The following COL9A2 variants were observed in gnomAD, a reference collection of about 807,000 sequenced individuals.
COL9A2 encodes the protein collagen alpha-2(IX) chain.
COL9A2 carries 66 observed loss-of-function variants against 111.6 expected under a neutral mutation model. The observed-to-expected ratio is 0.59, with a 90% CI of 0.48 to 0.73. COL9A2 has a LOEUF of 0.73. COL9A2 is among the 30% of genes least tolerant of loss of function. The pLI is 0.00. For missense variants in COL9A2, 881 were observed against 954.1 expected (o/e 0.92, Z 1.01); for synonymous variants, 353 against 364.1 (o/e 0.97, Z 0.35).
In COL9A2 at chr1:40,310,237, T is replaced by C. The variant is rs758948428; in HGVS notation, c.738+27A>G. 5.3e-5 allele frequency: 86 copies of C among 1,613,940 alleles called. No homozygotes were observed. Among genetic ancestry groups the C allele is most frequent in the Non-Finnish European group, 7.1e-5 (84 of 1,179,944 alleles). ...GCCAGAAGGCAGCTCCTGGAAGCTC[T>C]TGTAGAACACCCCAAGATTCACTTA... On this transcript the variant is annotated intron_variant, in intron 14 of 31. Transcript: ENST00000372748. The surrounding 1 kb of genome is among the most constrained non-coding windows in gnomAD (Gnocchi z 4.9).
chr1:40,311,175 G>T lies in COL9A2; in HGVS notation c.577-29C>A, dbSNP rs768778753. ...AAGGGAAGGAGAGAGCTCAATACGA[G>T]GTCCCCTCCTGTCACCTGCACCACC... is the stretch of plus-strand genomic sequence containing the variant. On this transcript the variant is annotated intron_variant, in intron 11 of 31. Coordinates refer to ENST00000372748, the MANE Select transcript of COL9A2 (RefSeq NM_001852.4). The surrounding 1 kb of genome is among the most constrained non-coding windows in gnomAD (Gnocchi z 5.1). 5 of 1,614,186 alleles carry T rather than the reference G, an allele frequency of 3.1e-6. No individual in the cohort carries two copies. Among genetic ancestry groups the T allele is most frequent in the Admixed American group, 1.7e-5 (1 of 60,026 alleles).
rs1221287476 is a variant in COL9A2, at chr1:40,302,790, G to A, written c.1623C>T (p.Ala541=). ...CCAGGGCTTCCCGCTTGGCACTCAC[G>A]GCGACCTCTGCCAGTTGCTCTGGAG... ...KMLQEQLAEV[A]VSAKREALGA... The change falls in exon 30 of 32, where the codon GCC becomes GCT. Residue 541 remains alanine (A), a synonymous_variant. Coordinates refer to ENST00000372748, the MANE Select transcript of COL9A2 (RefSeq NM_001852.4). This position sits in a 1 kb window ranked among gnomAD's most constrained non-coding sequence, Gnocchi z 4.5. 10 of 1,540,174 alleles carry A rather than the reference G, an allele frequency of 6.5e-6. No individual in the cohort carries two copies. The highest frequency in any genetic ancestry group is 5.5e-5 in the African/African-American group (4 of 72,226).
In COL9A2 at chr1:40,301,098, G is replaced by C; in HGVS notation, c.*84C>G. On this transcript the variant is annotated 3_prime_UTR_variant, in exon 32 of 32. Transcript: ENST00000372748. ...AGGTCCTGGGGGAGATGGTTTCCTG[G>C]ACTGGGGATGGGTGCATGTCCACCC... 1 of 1,428,900 alleles carries C rather than the reference G, an allele frequency of 7.0e-7. No individual in the cohort carries two copies. The highest frequency in any genetic ancestry group is 2.3e-5 in the East Asian group (1 of 43,044). 88.5% of individuals were successfully genotyped at this position (1,428,900 alleles called of 1,614,324 possible).
rs1644186493 is a variant in COL9A2, at chr1:40,314,615, T to C, written c.151-228A>G. On this transcript the variant is annotated intron_variant, in intron 2 of 31. Coordinates refer to ENST00000372748, the MANE Select transcript of COL9A2 (RefSeq NM_001852.4). This position sits in a 1 kb window ranked among gnomAD's most constrained non-coding sequence, Gnocchi z 4.1. ...ATAACCCTGGCCGGGCTGGAGAGGGTGACAGCAACATGCAAGAAGGTACAG... is the reference window on the plus strand; with the variant it reads ...ATAACCCTGGCCGGGCTGGAGAGGGCGACAGCAACATGCAAGAAGGTACAG... Among the ~76,000 whole-genome samples, 2 of 151,606 alleles carry C rather than the reference T, an allele frequency of 1.3e-5. No individual in the cohort carries two copies. The highest frequency in any genetic ancestry group is 6.6e-5 in the Admixed American group (1 of 15,220).
rs181214237 is a variant in COL9A2 at position 40,311,760 on chromosome 1, C to T, written c.418-45G>A. 2.5e-6 allele frequency: 4 copies of T among 1,597,110 alleles called. No individual in the cohort carries two copies. In the East Asian group the frequency reaches 6.7e-5, roughly 27 times the overall value. ...AAATCATACCCCTGACCAGCCCTTACCAGCTTACCCTAGTGCCCTCCTCCA... is the reference window on the plus strand; with the variant it reads ...AAATCATACCCCTGACCAGCCCTTATCAGCTTACCCTAGTGCCCTCCTCCA... On this transcript the variant is annotated intron_variant, in intron 8 of 31. Coordinates refer to ENST00000372748, the MANE Select transcript of COL9A2 (RefSeq NM_001852.4). This position sits in a 1 kb window ranked among gnomAD's most constrained non-coding sequence, Gnocchi z 5.1.
chr1:40,304,275 G>C, intron 24 of COL9A2, 45 bp downstream of exon 24: 1 of 1,548,580 alleles, frequency 6.5e-7, no homozygotes, highest in Non-Finnish European at 8.7e-7. Flanking sequence ...CACTCCCCCT[G>C]TTATAGGGCC....
intron 19 of COL9A2, 89 bp from the exon 20 acceptor site, chr1:40,306,276 TC>T: frequency 6.8e-7 from 1 of 1,461,076 alleles, no homozygotes; most frequent in South Asian, 1.1e-5. Context: ...AATCCAGATT[TC>T]CCCCACCTGT....
chr1:40,310,820 T>C lies in COL9A2; in HGVS notation c.631-53A>G, dbSNP rs1342842953. 1.4e-6 allele frequency: 2 copies of C among 1,443,724 alleles called. No homozygotes were observed. The highest frequency in any genetic ancestry group is 1.9e-6 in the Non-Finnish European group (2 of 1,049,406). The allele number at this position is 1,443,724 out of a possible 1,614,324, so 89.4% of individuals were successfully genotyped here. ...AGGCAGGCAGATGGAAAGACACATA[T>C]ACAGACAAGCAAAGATACCACCTCT... On this transcript the variant is annotated intron_variant, in intron 12 of 31. Coordinates refer to ENST00000372748, the MANE Select transcript of COL9A2 (RefSeq NM_001852.4). The surrounding 1 kb of genome is among the most constrained non-coding windows in gnomAD (Gnocchi z 4.9).
chr1:40,317,267 TCCTCCAGCGCTGGC>T lies in COL9A2; in HGVS notation c.-84_-71del. ...CACCGACGGCAGAGTCTCCCGGCGC[TCCTCCAGCGCTGGC>T]TGTTCGCGGGCAGGGTGGGCTGGGG... On this transcript the variant is annotated 5_prime_UTR_variant, in exon 1 of 32. Coordinates refer to ENST00000372748, the MANE Select transcript of COL9A2 (RefSeq NM_001852.4). The surrounding 1 kb of genome is among the most constrained non-coding windows in gnomAD (Gnocchi z 4.3). The T allele has an allele frequency of 1.1e-6, 1 of 875,284 alleles. No individual in the cohort carries two copies. Among genetic ancestry groups the T allele is most frequent in the Non-Finnish European group, 1.6e-6 (1 of 612,230 alleles). The allele number at this position is 875,284 out of a possible 1,614,324, so 54.2% of individuals were successfully genotyped here.
At position 40,308,205 on chromosome 1, in the gene COL9A2, G is replaced by A. The variant is rs749271511; in HGVS notation, c.887C>T (p.Pro296Leu). The A allele has an allele frequency of 1.1e-5, 17 of 1,613,982 alleles. No individual in the cohort carries two copies. The highest frequency in any genetic ancestry group is 9.3e-5 in the African/African-American group (7 of 74,902). The change falls in exon 17 of 32, where the codon CCG becomes CTG. Residue 296 changes from proline (P) to leucine (L), a missense_variant. Coordinates refer to ENST00000372748, the MANE Select transcript of COL9A2 (RefSeq NM_001852.4). ...GIRGPQGITG[P>L]KGATGPPGIN... ...TCTGGCACCTACCGTTGCTCCTTTC[G>A]GGCCTGTGATCCCCTGGGGTCCACG...
At position 40,310,778 on chromosome 1, in the gene COL9A2, G is replaced by T. The variant is rs752035196; in HGVS notation, c.631-11C>A. 7 of 1,558,304 alleles carry T rather than the reference G, an allele frequency of 4.5e-6. No individual in the cohort carries two copies. The East Asian group carries it at 7.2e-5, about 16-fold the overall frequency. On this transcript the variant is annotated splice_polypyrimidine_tract_variant and intron_variant, in intron 12 of 31. Coordinates refer to ENST00000372748, the MANE Select transcript of COL9A2 (RefSeq NM_001852.4). This position sits in a 1 kb window ranked among gnomAD's most constrained non-coding sequence, Gnocchi z 4.9. ...ATCTCCCTTGGGACCCTAAAGGGCA[G>T]GGATGAGCTGTCAGACAGGCAGGCA...
chr1:40,317,067 C>T lies in COL9A2; in HGVS notation c.75+56G>A, dbSNP rs1003047049. 5.4e-5 allele frequency: 82 copies of T among 1,512,788 alleles called. No homozygotes were observed. Among genetic ancestry groups the T allele is most frequent in the Middle Eastern group, 1.7e-4 (1 of 5,884 alleles). The allele number at this position is 1,512,788 out of a possible 1,614,324, so 93.7% of individuals were successfully genotyped here. ...GGGACACAGGCAGAGCTCCTCCATC[C>T]CGGACTCCAGACCCCGCACCCTGGA... On this transcript the variant is annotated intron_variant, in intron 1 of 31. Coordinates refer to ENST00000372748, the MANE Select transcript of COL9A2 (RefSeq NM_001852.4). The surrounding 1 kb of genome is among the most constrained non-coding windows in gnomAD (Gnocchi z 4.3).
At chr1:40,315,802 T>A in intron 1 of COL9A2, 138 bp from the exon 2 acceptor site, 1 of 608,762 alleles carries the variant, frequency 1.6e-6, no homozygotes, top group East Asian at 2.9e-5. Flanking sequence ...GAATCTTCTG[T>A]ATAGCAGGCA....
Position 40,314,123 on chromosome 1 carries a change from G to T in COL9A2, c.249+82C>A. The T allele has an allele frequency of 7.1e-7, 1 of 1,415,216 alleles. No homozygotes were observed. The highest frequency in any genetic ancestry group is 1.0e-6 in the Non-Finnish European group (1 of 1,000,174). The allele number at this position is 1,415,216 out of a possible 1,614,324, so 87.7% of individuals were successfully genotyped here. On this transcript the variant is annotated intron_variant, in intron 4 of 31. Transcript: ENST00000372748. The surrounding 1 kb of genome is among the most constrained non-coding windows in gnomAD (Gnocchi z 4.1). ...CCATCCTGCTGCCCATCTCTGAACAGATCAGTGAAGATGCCAGAGCCAGGC... is the reference window on the plus strand; with the variant it reads ...CCATCCTGCTGCCCATCTCTGAACATATCAGTGAAGATGCCAGAGCCAGGC...
chr1:40,315,094 G>T, intron 2 of COL9A2: 1 of 427,570 alleles, frequency 2.3e-6, no homozygotes, highest in Non-Finnish European at 3.2e-6. Flanking sequence ...GCCCTCCTGC[G>T]GGAGCTTTCA....
intron 24 of COL9A2, 68 bp from the exon 25 acceptor site, chr1:40,304,167 G>T: frequency 6.6e-7 from 1 of 1,516,942 alleles, no homozygotes. Context: ...CCTAACTTTC[G>T]GCCACACCCC....
chr1:40,312,211 A>AC lies in COL9A2; in HGVS notation c.364-100dup. 9.2e-7 allele frequency: 1 copy of AC among 1,086,554 alleles called. No homozygotes were observed. Among genetic ancestry groups the AC allele is most frequent in the East Asian group, 2.6e-5 (1 of 37,860 alleles). 67.3% of individuals were successfully genotyped at this position (1,086,554 alleles called of 1,614,324 possible). A position where few individuals can be genotyped will look rare whatever the true frequency, so the allele number is the denominator to read the frequency against. The stretch of plus-strand genomic sequence containing the variant: ...ACCCAAAGCCCGTTTCTCCACTTTT[A>AC]CTTTTTTTTTTTTTTTGCCAACCCC... On this transcript the variant is annotated intron_variant, in intron 7 of 31. Transcript: ENST00000372748. The surrounding 1 kb of genome is among the most constrained non-coding windows in gnomAD (Gnocchi z 6.0).
chr1:40,312,227 T>TG lies in COL9A2; in HGVS notation c.364-116dup. On this transcript the variant is annotated intron_variant, in intron 7 of 31. Coordinates refer to ENST00000372748, the MANE Select transcript of COL9A2 (RefSeq NM_001852.4). This position sits in a 1 kb window ranked among gnomAD's most constrained non-coding sequence, Gnocchi z 6.0. Reference sequence around the variant, plus strand: ...TCCACTTTTACTTTTTTTTTTTTTTTGCCAACCCCAGAGAGACTGACAGAC... The same window carrying TG: ...TCCACTTTTACTTTTTTTTTTTTTTTGGCCAACCCCAGAGAGACTGACAGAC... 2.0e-6 allele frequency: 2 copies of TG among 1,020,630 alleles called. No homozygotes were observed. Among genetic ancestry groups the TG allele is most frequent in the African/African-American group, 3.3e-5 (2 of 60,996 alleles). The allele number at this position is 1,020,630 out of a possible 1,614,324, so 63.2% of individuals were successfully genotyped here.
rs1489872728 is a variant in COL9A2, at chr1:40,316,137, G to A, written c.76-473C>T. The A allele has an allele frequency of 2.5e-5, 4 of 161,680 alleles. No homozygotes were observed. Among genetic ancestry groups the A allele is most frequent in the Non-Finnish European group, 5.4e-5 (4 of 73,434 alleles). 10.0% of individuals were successfully genotyped at this position (161,680 alleles called of 1,614,324 possible). ...CTCGGGTTGTTGTTCTTACGTGAAC[G>A]ACAGGCAGAGACAGCGCCTCCTCCT... is the stretch of plus-strand genomic sequence containing the variant. On this transcript the variant is annotated intron_variant, in intron 1 of 31. Coordinates refer to ENST00000372748, the MANE Select transcript of COL9A2 (RefSeq NM_001852.4). The surrounding 1 kb of genome is among the most constrained non-coding windows in gnomAD (Gnocchi z 5.5).
Sources: gnomAD v4.1 joint callset for allele counts (sites outside exome capture counted in the v4.1 genomes callset) on GRCh38, gnomAD v4.1.1 for gene constraint, Gnocchi (gnomAD v3.1) non-coding constraint, MANE v1.5 for transcripts, NCBI Gene and HGNC (gene_info 2026-07-23, HGNC 2026-07-21) for gene names.